Variants in ALDH5A1 observed in about 807,000 individuals in gnomAD.
ALDH5A1 encodes succinate-semialdehyde dehydrogenase, mitochondrial.
A neutral mutation model predicts 54.7 loss-of-function variants in ALDH5A1; 33 were observed. That is an observed-to-expected ratio of 0.60 (90% CI 0.46 to 0.81). The LOEUF (loss-of-function observed/expected upper bound fraction) is 0.81, where lower values mean the gene tolerates loss of function less well. ALDH5A1 is among the 30% of genes least tolerant of loss of function. The probability of loss-of-function intolerance (pLI) is 0.00; values close to 1 mark genes in which losing one functional copy is unlikely to be tolerated. For synonymous variants in ALDH5A1, 294 were observed against 292.7 expected (o/e 1.00, Z -0.05); for missense variants, 657 against 711.0 (o/e 0.92, Z 0.86).
chr6:24,533,396 C>T (rs1759972714), intron 9 of ALDH5A1, 111 bp from the exon 10 acceptor site: 1 of 1,136,310 alleles, frequency 8.8e-7, no homozygotes, highest in Non-Finnish European at 1.3e-6. Flanking sequence ...GCAGGGAAGA[C>T]TCCAGGCCCA....
In ALDH5A1 at chr6:24,532,445, C is replaced by G. The variant is rs116618696; in HGVS notation, c.1402+268C>G. ...TTATTCTACTTTTCTAGGTGGAGAA[C>G]TGCACACATCTCAAAGTCCCACATT... On this transcript the variant is annotated intron_variant, in intron 9 of 9. Transcript: ENST00000357578. 3.2e-3 allele frequency among the ~76,000 whole-genome samples: 484 copies of G among 152,326 alleles called. 3 individuals carry two copies. The highest frequency in any genetic ancestry group is 0.011 in the African/African-American group (461 of 41,578).
chr6:24,497,842 G>A (rs1029711218), intron 1 of ALDH5A1, among the ~76,000 whole-genome samples: 5 of 152,178 alleles, frequency 3.3e-5, no homozygotes, highest in Non-Finnish European at 5.9e-5. Flanking sequence ...GTTTTAAGCA[G>A]AGATATGATC....
At chr6:24,512,030 G>C (rs1289969246) in intron 4 of ALDH5A1, among the ~76,000 whole-genome samples, 1 of 152,174 alleles carries the variant, frequency 6.6e-6, no homozygotes, top group Middle Eastern at 3.2e-3. Flanking sequence ...ATGTTCCCTT[G>C]ATGTAGTAGC....
intron 4 of ALDH5A1, among the ~76,000 whole-genome samples, chr6:24,510,671 C>T (rs536579508): frequency 6.6e-5 from 10 of 152,296 alleles, no homozygotes; most frequent in African/African-American, 2.4e-4. Flanking sequence ...TTTTCCACCC[C>T]TTTACCTTAA....
In ALDH5A1 at chr6:24,502,527, G is replaced by T; in HGVS notation, c.359G>T (p.Arg120Met). Residue 120 changes from arginine (R) to methionine (M), a missense_variant, in exon 2 of 10, where the codon AGG becomes ATG. By Grantham distance (91) the Arg-to-Met change is moderately conservative (BLOSUM62 -1). Coordinates refer to ENST00000357578, the MANE Select transcript of ALDH5A1 (RefSeq NM_001080.3). Reference sequence around the variant, plus strand: ...GCCTTGTTATTTCTTTTGCAGGAGAGGAGTTCATTACTTCGGAAGTGGTAC... The same window carrying T: ...GCCTTGTTATTTCTTTTGCAGGAGATGAGTTCATTACTTCGGAAGTGGTAC... ...CRWREVSAKE[R>M]SSLLRKWYNL... 6.2e-7 allele frequency: 1 copy of T among 1,609,212 alleles called. No individual in the cohort carries two copies. Among genetic ancestry groups the T allele is most frequent in the Non-Finnish European group, 8.5e-7 (1 of 1,175,556 alleles).
At chr6:24,529,938 C>T (rs1014292250) in intron 8 of ALDH5A1, among the ~76,000 whole-genome samples, 2 of 152,204 alleles carry the variant, frequency 1.3e-5, no homozygotes, top group African/African-American at 2.4e-5. Context: ...TCCCAAAGGG[C>T]TGGGATTACA....
intron 8 of ALDH5A1, 59 bp from the exon 9 acceptor site, chr6:24,532,060 A>G: frequency 1.3e-6 from 2 of 1,525,046 alleles, no homozygotes; most frequent in Non-Finnish European, 1.8e-6. Context: ...GAAGAAAACA[A>G]AACTGGTTTC....
In ALDH5A1 at chr6:24,526,136, A is replaced by G. The variant is rs571051193; in HGVS notation, c.1174-1861A>G. Among the ~76,000 whole-genome samples the G allele has an allele frequency of 5.3e-5, 8 of 152,216 alleles. No homozygotes were observed. The East Asian group carries it at 9.7e-4, about 18-fold the overall frequency. On this transcript the variant is annotated intron_variant, in intron 7 of 9. Transcript: ENST00000357578. ...AGACCACTCATGCCACACATCCCCAAATTGATCAACCCAGTCCTTGTGTGT... is the reference window on the plus strand; with the variant it reads ...AGACCACTCATGCCACACATCCCCAGATTGATCAACCCAGTCCTTGTGTGT...
At chr6:24,515,920 A>G (rs1285702737) in intron 5 of ALDH5A1, among the ~76,000 whole-genome samples, 1 of 152,168 alleles carries the variant, frequency 6.6e-6, no homozygotes, top group Non-Finnish European at 1.5e-5. Context: ...CAATTCTGGA[A>G]TGCATCTTTC....
chr6:24,529,476 A>G (rs1561879841), intron 8 of ALDH5A1, among the ~76,000 whole-genome samples: 1 of 151,452 alleles, frequency 6.6e-6, no homozygotes, highest in Non-Finnish European at 1.5e-5. Flanking sequence ...CTCTTTATCT[A>G]CTTTTATCCA....
intron 6 of ALDH5A1, among the ~76,000 whole-genome samples, chr6:24,521,991 TGA>T (rs904685951): frequency 6.6e-6 from 1 of 151,268 alleles, no homozygotes; most frequent in African/African-American, 2.4e-5. Flanking sequence ...CTCAGCCTCC[TGA>T]GTAGCTGGGA....
intron 6 of ALDH5A1, among the ~76,000 whole-genome samples, chr6:24,521,746 T>A (rs1759684065): frequency 6.6e-6 from 1 of 152,008 alleles, no homozygotes. Context: ...GGGACAGGTA[T>A]GGTGGCTCAG....
chr6:24,529,670 GTT>G (rs55878931), intron 8 of ALDH5A1, among the ~76,000 whole-genome samples: 74 of 86,346 alleles, frequency 8.6e-4, no homozygotes, highest in Admixed American at 1.1e-3. Context: ...TTTGGTTTGG[GTT>G]TTTTTTTTTT....
intron 4 of ALDH5A1, among the ~76,000 whole-genome samples, chr6:24,508,385 A>G (rs1759400464): frequency 1.9e-5 from 1 of 53,460 alleles, no homozygotes; most frequent in African/African-American, 5.7e-5. Context: ...AAAAAAAAAA[A>G]AAAGATTAAT....
chr6:24,526,540 T>C (rs1383602536), intron 7 of ALDH5A1, among the ~76,000 whole-genome samples: 2 of 151,862 alleles, frequency 1.3e-5, no homozygotes, highest in African/African-American at 2.4e-5. Flanking sequence ...TGTCACAAGA[T>C]TCGGTACCTG....
intron 4 of ALDH5A1, among the ~76,000 whole-genome samples, chr6:24,506,329 C>CT (rs1486853589): frequency 1.6e-5 from 2 of 127,980 alleles, no homozygotes; most frequent in Non-Finnish European, 3.1e-5. Flanking sequence ...TCTTGGCTCA[C>CT]TGCAACCTCT....
chr6:24,496,349 G>A (rs1269333148), intron 1 of ALDH5A1, among the ~76,000 whole-genome samples: 1 of 152,196 alleles, frequency 6.6e-6, no homozygotes, highest in African/African-American at 2.4e-5. Context: ...TGTGAGAGAT[G>A]CTGAGTGCAA....
intron 6 of ALDH5A1, 73 bp downstream of exon 6, chr6:24,520,617 GAT>G (rs1759663280): frequency 6.5e-6 from 10 of 1,546,280 alleles, no homozygotes; most frequent in Middle Eastern, 2.2e-4. Flanking sequence ...GTGTGTGTGT[GAT>G]ATGTGTGCAT....
rs767434033 is a variant in ALDH5A1, at chr6:24,522,854, C to G, written c.1102C>G (p.Leu368Val). Residue 368 changes from leucine (L) to valine (V), a missense_variant, in exon 7 of 10, where the codon CTG (leucine) becomes GTG (valine). Physicochemically the swap from Leu to Val is conservative, Grantham distance 32 (BLOSUM62 1). This residue lies in a region of ALDH5A1 where 425 missense variants were observed against 516.4 expected (regional missense o/e 0.82). Transcript: ENST00000357578. ...ATTCGCCGAGGCCATGAAGAAGAAC[C>G]TGCGCGTAGGTAATGGATTTGAGGA... Reference protein sequence around the residue: ...KAFAEAMKKNLRVGNGFEEGT... With the variant: ...KAFAEAMKKNVRVGNGFEEGT... The G allele has an allele frequency of 1.2e-6, 2 of 1,614,130 alleles. No individual in the cohort carries two copies. The highest frequency in any genetic ancestry group is 4.5e-5 in the East Asian group (2 of 44,886).
Sources: gnomAD v4.1 joint callset for allele counts (sites outside exome capture counted in the v4.1 genomes callset) on GRCh38, gnomAD v4.1.1 for gene constraint, gnomAD v4.1.1 regional missense constraint, MANE v1.5 for transcripts, NCBI Gene and HGNC (gene_info 2026-07-23, HGNC 2026-07-21) for gene names.